Variants in TRIM59 observed in about 807,000 individuals in gnomAD.
TRIM59 encodes tripartite motif-containing protein 59.
Under a neutral mutation model 32.2 loss-of-function variants are expected in TRIM59, and 14 were observed. The observed-to-expected ratio is 0.43, with a 90% CI of 0.29 to 0.68. TRIM59 has a LOEUF of 0.68. Among genes scored for constraint, TRIM59 ranks in the 30% least tolerant of loss-of-function variants. The probability of loss-of-function intolerance (pLI) is 0.15; values close to 1 mark genes in which losing one functional copy is unlikely to be tolerated. For missense variants in TRIM59, 471 were observed against 463.3 expected (o/e 1.02, Z -0.15); for synonymous variants, 163 against 155.1 (o/e 1.05, Z -0.38).
rs1418378854 is a variant in TRIM59, at chr3:160,436,238, G to A, written c.*1734C>T. The A allele has an allele frequency of 2.0e-6, 2 of 994,214 alleles. No individual in the cohort carries two copies. The highest frequency in any genetic ancestry group is 4.4e-5 in the South Asian group (1 of 22,526). 61.6% of individuals were successfully genotyped at this position (994,214 alleles called of 1,614,324 possible). A position where few individuals can be genotyped will look rare whatever the true frequency, so the allele number is the denominator to read the frequency against. On this transcript the variant is annotated 3_prime_UTR_variant, in exon 3 of 3. Coordinates refer to ENST00000309784, the MANE Select transcript of TRIM59 (RefSeq NM_173084.3). ...TTAGAACTAGTTCCCTGAAAAAGCT[G>A]TATTTATGATAGTTTATGTGCAATC...
intron 2 of TRIM59, among the ~76,000 whole-genome samples, chr3:160,445,700 G>T (rs1366215527): frequency 6.6e-6 from 1 of 151,658 alleles, no homozygotes; most frequent in African/African-American, 2.4e-5. Context: ...CTTAAACCTG[G>T]GAGGCGGAGA....
rs201714962 is a variant in TRIM59, at chr3:160,437,570, C to A, written c.*402G>T. ...TCCTTATTCACCCATTCAAAAGCTT[C>A]AAGCCACATCAAAATAAAGGTATAT... is the stretch of plus-strand genomic sequence containing the variant. On this transcript the variant is annotated 3_prime_UTR_variant, in exon 3 of 3. Coordinates refer to ENST00000309784, the MANE Select transcript of TRIM59 (RefSeq NM_173084.3). The A allele has an allele frequency of 1.0e-6, 1 of 986,660 alleles. No homozygotes were observed. The highest frequency in any genetic ancestry group is 1.2e-6 in the Non-Finnish European group (1 of 831,002). The allele number at this position is 986,660 out of a possible 1,614,324, so 61.1% of individuals were successfully genotyped here.
chr3:160,439,967 TACA>T (rs943044381), intron 2 of TRIM59, among the ~76,000 whole-genome samples: 8 of 152,220 alleles, frequency 5.3e-5, no homozygotes, highest in Admixed American at 1.3e-4. Flanking sequence ...CTATTTCTAT[TACA>T]ACAAGTTAGG....
chr3:160,449,764 G>T lies in TRIM59; in HGVS notation c.-121C>A. The T allele has an allele frequency of 2.3e-6, 3 of 1,280,170 alleles. No homozygotes were observed. Among genetic ancestry groups the T allele is most frequent in the Non-Finnish European group, 3.1e-6 (3 of 980,100 alleles). The allele number at this position is 1,280,170 out of a possible 1,614,324, so 79.3% of individuals were successfully genotyped here. A position where few individuals can be genotyped will look rare whatever the true frequency, so the allele number is the denominator to read the frequency against. On this transcript the variant is annotated 5_prime_UTR_variant, in exon 1 of 3. Coordinates refer to ENST00000309784, the MANE Select transcript of TRIM59 (RefSeq NM_173084.3). ...CAACTCCACAGCACGGAAACACAGCGCCACGAGCTCCAGGCGGATGCTGAG... is the reference window on the plus strand; with the variant it reads ...CAACTCCACAGCACGGAAACACAGCTCCACGAGCTCCAGGCGGATGCTGAG...
chr3:160,436,390 A>G lies in TRIM59; in HGVS notation c.*1582T>C. 2 of 986,198 alleles carry G rather than the reference A, an allele frequency of 2.0e-6. No homozygotes were observed. The highest frequency in any genetic ancestry group is 2.4e-6 in the Non-Finnish European group (2 of 830,192). 61.1% of individuals were successfully genotyped at this position (986,198 alleles called of 1,614,324 possible). A position where few individuals can be genotyped will look rare whatever the true frequency, so the allele number is the denominator to read the frequency against. On this transcript the variant is annotated 3_prime_UTR_variant, in exon 3 of 3. Coordinates refer to ENST00000309784, the MANE Select transcript of TRIM59 (RefSeq NM_173084.3). Reference sequence around the variant, plus strand: ...GGAAAGCAAATCAACCTGCACTTAGAGTTGCATGGACAGTGGGCCAAAAGT... The same window carrying G: ...GGAAAGCAAATCAACCTGCACTTAGGGTTGCATGGACAGTGGGCCAAAAGT...
Position 160,439,077 on chromosome 3 carries a change from T to G in TRIM59, c.107A>C (p.Asn36Thr). ...SHTFCRNCLENILQASGNFYI... is the reference protein window; with the variant it reads ...SHTFCRNCLETILQASGNFYI... ...AAAGTTACCAGATGCCTGAAGAATGTTTTCCAAACAATTTCTACAAAATGT... is the reference window on the plus strand; with the variant it reads ...AAAGTTACCAGATGCCTGAAGAATGGTTTCCAAACAATTTCTACAAAATGT... Residue 36 changes from asparagine (N) to threonine (T), a missense_variant, in exon 3 of 3, where the codon AAC becomes ACC. Transcript: ENST00000309784. 1 of 1,559,256 alleles carries G rather than the reference T, an allele frequency of 6.4e-7. No homozygotes were observed. The highest frequency in any genetic ancestry group is 8.7e-7 in the Non-Finnish European group (1 of 1,155,014).
chr3:160,437,051 T>C lies in TRIM59; in HGVS notation c.*921A>G. 4 of 985,198 alleles carry C rather than the reference T, an allele frequency of 4.1e-6. No homozygotes were observed. Among genetic ancestry groups the C allele is most frequent in the Non-Finnish European group, 4.8e-6 (4 of 829,894 alleles). The allele number at this position is 985,198 out of a possible 1,614,324, so 61.0% of individuals were successfully genotyped here. ...TGCACAAACTATAGAATATGACAAG[T>C]ATTAGAAAATGCTGGCCCCCAGGCA... On this transcript the variant is annotated 3_prime_UTR_variant, in exon 3 of 3. Transcript: ENST00000309784.
At chr3:160,449,542 C>G in intron 1 of TRIM59, 175 bp downstream of exon 1, 1 of 1,260,112 alleles carries the variant, frequency 7.9e-7, no homozygotes, top group Non-Finnish European at 1.0e-6. Context: ...GAAAGTGGCT[C>G]CCCAAACTCC....
At chr3:160,449,343 A>T in intron 1 of TRIM59, 1 of 404,660 alleles carries the variant, frequency 2.5e-6, no homozygotes, top group Admixed American at 4.6e-5. Context: ...TCAAAATGGC[A>T]GTACTCTTCC....
rs1161214126 is a variant in TRIM59 at position 160,436,022 on chromosome 3, TTAAG to T, written c.*1946_*1949del. The T allele has an allele frequency of 9.8e-6, 12 of 1,220,996 alleles. No individual in the cohort carries two copies. The East Asian group carries it at 3.5e-4, about 35-fold the overall frequency. The allele number at this position is 1,220,996 out of a possible 1,614,324, so 75.6% of individuals were successfully genotyped here. A position where few individuals can be genotyped will look rare whatever the true frequency, so the allele number is the denominator to read the frequency against. ...GCACTTTTATGGTGTGACTAGTATT[TTAAG>T]TAATCAGTGCAACTTAGTATTTTTA... On this transcript the variant is annotated 3_prime_UTR_variant, in exon 3 of 3. Transcript: ENST00000309784.
At chr3:160,440,073 C>A (rs1239187156) in intron 2 of TRIM59, among the ~76,000 whole-genome samples, 3 of 152,238 alleles carry the variant, frequency 2.0e-5, no homozygotes, top group Non-Finnish European at 4.4e-5. Flanking sequence ...AATTTCTCCA[C>A]AGTAACTGTT....
At position 160,438,708 on chromosome 3, in the gene TRIM59, T is replaced by C; in HGVS notation, c.476A>G (p.Asp159Gly). The C allele has an allele frequency of 6.2e-7, 1 of 1,613,968 alleles. No homozygotes were observed. Among genetic ancestry groups the C allele is most frequent in the Non-Finnish European group, 8.5e-7 (1 of 1,179,964 alleles). Residue 159 changes from aspartate to glycine, a missense_variant, in exon 3 of 3, where the codon GAT becomes GGT. Coordinates refer to ENST00000309784, the MANE Select transcript of TRIM59 (RefSeq NM_173084.3). Reference protein sequence around the residue: ...LEQLTDTHWTDLTHLIEKLKE... With the variant: ...LEQLTDTHWTGLTHLIEKLKE... ...CAGCTTTTCAATAAGATGGGTAAGA[T>C]CTGTCCAGTGTGTGTCAGTCAACTG...
At chr3:160,446,724 A>C (rs1442828085) in intron 2 of TRIM59, among the ~76,000 whole-genome samples, 2 of 152,054 alleles carry the variant, frequency 1.3e-5, no homozygotes, top group African/African-American at 4.8e-5. Context: ...GGGCAAGCCC[A>C]CCTGAGCTCC....
Position 160,439,206 on chromosome 3 carries a change from TTTTAAG to T in TRIM59, c.-3-26_-3-21del. On this transcript the variant is annotated intron_variant, in intron 2 of 2. Coordinates refer to ENST00000309784, the MANE Select transcript of TRIM59 (RefSeq NM_173084.3). ...CATTTCCTGTCAAGAGAAAAATGTA[TTTTAAG>T]TTTACATAGAGACACCTGTACATAT... 6.7e-7 allele frequency: 1 copy of T among 1,488,080 alleles called. No individual in the cohort carries two copies. The highest frequency in any genetic ancestry group is 8.9e-7 in the Non-Finnish European group (1 of 1,118,878). 92.2% of individuals were successfully genotyped at this position (1,488,080 alleles called of 1,614,324 possible). A position where few individuals can be genotyped will look rare whatever the true frequency, so the allele number is the denominator to read the frequency against.
chr3:160,443,689 A>G (rs1317431825), intron 2 of TRIM59, among the ~76,000 whole-genome samples: 1 of 151,938 alleles, frequency 6.6e-6, no homozygotes, highest in African/African-American at 2.4e-5. Context: ...CCCAGGCTGG[A>G]GTGCAGTGGC....
At chr3:160,442,085 T>C (rs1719282757) in intron 2 of TRIM59, among the ~76,000 whole-genome samples, 1 of 152,190 alleles carries the variant, frequency 6.6e-6, no homozygotes, top group Admixed American at 6.5e-5. Context: ...AGAATAACAC[T>C]TTGTAGGAAA....
intron 2 of TRIM59, among the ~76,000 whole-genome samples, chr3:160,447,279 T>C (rs1267621067): frequency 1.3e-5 from 2 of 152,210 alleles, no homozygotes; most frequent in Non-Finnish European, 2.9e-5. Context: ...ATGTAAAATG[T>C]ATTTTCCTCT....
chr3:160,449,267 A>G (rs1719692099), intron 1 of TRIM59, among the ~76,000 whole-genome samples: 1 of 152,174 alleles, frequency 6.6e-6, no homozygotes, highest in Non-Finnish European at 1.5e-5. Flanking sequence ...GTGAGGCTTC[A>G]CATCTGTAAA....
chr3:160,449,535 A>G lies in TRIM59; in HGVS notation c.-74+182T>C. Reference sequence around the variant, plus strand: ...CAGCTCCACAGTGGAGGGACGGGAAAGTGGCTCCCCAAACTCCAGTATGGG... The same window carrying G: ...CAGCTCCACAGTGGAGGGACGGGAAGGTGGCTCCCCAAACTCCAGTATGGG... On this transcript the variant is annotated intron_variant, in intron 1 of 2. Transcript: ENST00000309784. 3 of 1,253,842 alleles carry G rather than the reference A, an allele frequency of 2.4e-6. No homozygotes were observed. In the South Asian group the frequency reaches 4.0e-5, roughly 17 times the overall value. The allele number at this position is 1,253,842 out of a possible 1,614,324, so 77.7% of individuals were successfully genotyped here.
Sources: gnomAD v4.1 joint callset for allele counts (sites outside exome capture counted in the v4.1 genomes callset) on GRCh38, gnomAD v4.1.1 for gene constraint, MANE v1.5 for transcripts, NCBI Gene and HGNC (gene_info 2026-07-23, HGNC 2026-07-21) for gene names.